HECTD4: variants seen among roughly 807,000 people sequenced by gnomAD.
HECTD4 encodes the protein HECT domain E3 ubiquitin protein ligase 4.
In HECTD4, 114 loss-of-function variants were observed where a neutral mutation model predicts 471.5. The ratio of observed to expected loss-of-function variants is 0.24; its 90% CI spans 0.21 to 0.28. HECTD4 has a LOEUF of 0.28. HECTD4 is among the 10% of genes least tolerant of loss of function. HECTD4 has a pLI of 1.00. For synonymous variants in HECTD4, 2,012 were observed against 2,256.0 expected (o/e 0.89, Z 3.07); for missense variants, 3,866 against 5,651.5 (o/e 0.68, Z 10.13).
chr12:112,334,723 T>C (rs2035913578), intron 1 of HECTD4, among the ~76,000 whole-genome samples: 1 of 149,634 alleles, frequency 6.7e-6, no homozygotes, highest in Non-Finnish European at 1.5e-5. Flanking sequence ...GGCAGGAGAA[T>C]TGCTTGAACC....
chr12:112,171,806 C>A (rs2031231451), intron 67 of HECTD4, among the ~76,000 whole-genome samples: 1 of 152,238 alleles, frequency 6.6e-6, no homozygotes, highest in Non-Finnish European at 1.5e-5. Flanking sequence ...ATGAGGCAAG[C>A]GGCTGAGCAC....
At chr12:112,167,222 C>G (rs536702083) in intron 72 of HECTD4, 95 bp downstream of exon 72, 1 of 1,128,418 alleles carries the variant, frequency 8.9e-7, no homozygotes, top group Non-Finnish European at 1.3e-6. Context: ...CCCAACCCAG[C>G]CTCAGCGGGG....
In HECTD4 at chr12:112,250,994, T is replaced by C. The variant is rs1421567521; in HGVS notation, c.3693A>G (p.Leu1231=). The change falls in exon 24 of 76, where the codon CTA becomes CTG. Residue 1231 remains leucine (L), a synonymous_variant. Transcript: ENST00000682272. ...ITKEEEACQE[L]LRSKLLQRCQ... ...ACCTTTGTAAAAGTTTGGACCGCAA[T>C]AGCTCCTGACAGGCTTCTTCTTCTT... 2 of 1,613,130 alleles carry C rather than the reference T, an allele frequency of 1.2e-6. No homozygotes were observed. Among genetic ancestry groups the C allele is most frequent in the African/African-American group, 1.3e-5 (1 of 74,914 alleles).
rs1785243199 is a variant in HECTD4, at chr12:112,164,175, A to C, written c.12635T>G (p.Phe4212Cys). 1 of 1,613,562 alleles carries C rather than the reference A, an allele frequency of 6.2e-7. No individual in the cohort carries two copies. Among genetic ancestry groups the C allele is most frequent in the Non-Finnish European group, 8.5e-7 (1 of 1,179,850 alleles). ...PDSPNKPCCRFTYLTMTGEEV... is the reference protein window; with the variant it reads ...PDSPNKPCCRCTYLTMTGEEV... Reference sequence around the variant, plus strand: ...CTCGCCCGTCATGGTCAGGTAGGTGAACCTGCAGCAGGGCTTGTTGGGGCT... The same window carrying C: ...CTCGCCCGTCATGGTCAGGTAGGTGCACCTGCAGCAGGGCTTGTTGGGGCT... Residue 4212 changes from phenylalanine (F) to cysteine (C), a missense_variant, in exon 73 of 76, where the codon TTC becomes TGC. Physicochemically the swap from Phe to Cys is radical, Grantham distance 205. Around this residue, in one of 16 missense-constraint regions of HECTD4, gnomAD observed 715 missense variants for 1,087.6 expected, o/e 0.66. Transcript: ENST00000682272.
chr12:112,174,604 G>A (rs180995293), intron 66 of HECTD4, among the ~76,000 whole-genome samples: 4 of 151,170 alleles, frequency 2.6e-5, no homozygotes, highest in East Asian at 1.9e-4. Flanking sequence ...TCACTCTGTC[G>A]CCCAGGCTGG....
rs1457903588 is a variant in HECTD4, at chr12:112,314,448, A to T, written c.785+9T>A. 1 of 1,441,176 alleles carries T rather than the reference A, an allele frequency of 6.9e-7. No individual in the cohort carries two copies. The highest frequency in any genetic ancestry group is 1.4e-5 in the African/African-American group (1 of 71,036). The allele number at this position is 1,441,176 out of a possible 1,614,324, so 89.3% of individuals were successfully genotyped here. Reference sequence around the variant, plus strand: ...GGAAGGAGGGTAAGGATACAAAGTGACAACTTACCTATATAGCACATCAGC... The same window carrying T: ...GGAAGGAGGGTAAGGATACAAAGTGTCAACTTACCTATATAGCACATCAGC... On this transcript the variant is annotated intron_variant, in intron 3 of 75. Coordinates refer to ENST00000682272, the MANE Select transcript of HECTD4 (RefSeq NM_001388303.1).
rs771029032 is a variant in HECTD4, at chr12:112,167,449, C to T, written c.12402G>A (p.Arg4134=). The change falls in exon 72 of 76, where the codon CGG becomes CGA. Residue 4134 remains arginine, a synonymous_variant. Transcript: ENST00000682272. ...GGTCCAGGGGCAGCGGGACGTCTGC[C>T]CGAATTGCAATCCCCAGCAGCTGCC... ...FLGQLLGIAI[R]ADVPLPLDLL... 3 of 1,613,406 alleles carry T rather than the reference C, an allele frequency of 1.9e-6. No individual in the cohort carries two copies. In the South Asian group the frequency reaches 3.3e-5, roughly 18 times the overall value.
intron 55 of HECTD4, among the ~76,000 whole-genome samples, chr12:112,198,589 C>G (rs575099342): frequency 6.6e-6 from 1 of 152,238 alleles, no homozygotes; most frequent in African/African-American, 2.4e-5. Flanking sequence ...TATTTTGGAA[C>G]AGTCAATGGC....
intron 67 of HECTD4, 131 bp downstream of exon 67, chr12:112,172,540 G>T: frequency 1.2e-6 from 1 of 859,896 alleles, no homozygotes; most frequent in Non-Finnish European, 1.8e-6. Flanking sequence ...TTGCACACCT[G>T]GCGCATAGCA....
At chr12:112,230,432 A>G (rs938114253) in intron 40 of HECTD4, among the ~76,000 whole-genome samples, 1 of 152,046 alleles carries the variant, frequency 6.6e-6, no homozygotes, top group Non-Finnish European at 1.5e-5. Flanking sequence ...CAAGAAGAAG[A>G]GAAACAAGGC....
chr12:112,327,256 G>A (rs113616331), intron 1 of HECTD4, among the ~76,000 whole-genome samples: 1 of 152,260 alleles, frequency 6.6e-6, no homozygotes, highest in South Asian at 2.1e-4. Flanking sequence ...GGTGGAGGTT[G>A]CAGTAAGCCA....
Position 112,258,574 on chromosome 12 carries a change from T to A in HECTD4, c.3050A>T (p.Gln1017Leu), listed in dbSNP as rs2034077548. The A allele has an allele frequency of 6.2e-7, 1 of 1,605,128 alleles. No individual in the cohort carries two copies. Among genetic ancestry groups the A allele is most frequent in the African/African-American group, 1.3e-5 (1 of 74,310 alleles). The stretch of plus-strand genomic sequence containing the variant: ...GCCCACCTCAGCAAAAACCGGACAC[T>A]GGGTTTTAAGCAGCAACGCCGTCTG... ...TSQTALLLKTQCPVFAEVGCS... is the reference protein window; with the variant it reads ...TSQTALLLKTLCPVFAEVGCS... The change falls in exon 20 of 76, where the codon CAG (glutamine) becomes CTG (leucine). Residue 1017 changes from glutamine to leucine, a missense_variant. Transcript: ENST00000682272.
chr12:112,367,603 T>C (rs2036589164), intron 1 of HECTD4, among the ~76,000 whole-genome samples: 2 of 151,808 alleles, frequency 1.3e-5, no homozygotes, highest in Non-Finnish European at 2.9e-5. Flanking sequence ...GTGGATCATC[T>C]GAGGTCAGGA....
At position 112,200,914 on chromosome 12, in the gene HECTD4, T is replaced by C; in HGVS notation, c.8407-116A>G. On this transcript the variant is annotated intron_variant, in intron 54 of 75. Transcript: ENST00000682272. ...GTGTGTGTGTGTGTGTGTGTGTGTATTTTCAGTCCAGGCTTTTAGGTATTA... is the reference window on the plus strand; with the variant it reads ...GTGTGTGTGTGTGTGTGTGTGTGTACTTTCAGTCCAGGCTTTTAGGTATTA... 3.4e-6 allele frequency: 3 copies of C among 883,962 alleles called. No homozygotes were observed. The South Asian group carries it at 5.0e-5, about 15-fold the overall frequency. The allele number at this position is 883,962 out of a possible 1,614,324, so 54.8% of individuals were successfully genotyped here.
Position 112,295,802 on chromosome 12 carries a change from A to T in HECTD4, c.1335+10262T>A, listed in dbSNP as rs181548196. On this transcript the variant is annotated intron_variant, in intron 7 of 75. Coordinates refer to ENST00000682272, the MANE Select transcript of HECTD4 (RefSeq NM_001388303.1). ...GACTACGGACATGCACCATTAAATT[A>T]AAAAAAAAATATATATATATATACA... Among the ~76,000 whole-genome samples the T allele has an allele frequency of 7.1e-4, 86 of 121,140 alleles. 1 individual carries two copies. Among genetic ancestry groups the T allele is most frequent in the South Asian group, 4.4e-3 (16 of 3,670 alleles). 79.5% of individuals were successfully genotyped at this position (121,140 alleles called of 152,430 possible).
At chr12:112,255,616 GA>G (rs2033990396) in intron 21 of HECTD4, among the ~76,000 whole-genome samples, 1 of 152,142 alleles carries the variant, frequency 6.6e-6, no homozygotes, top group Admixed American at 6.6e-5. Flanking sequence ...AGGGGAGAGA[GA>G]AAACAGATCA....
chr12:112,298,480 A>ATTTTTTTTTT (rs199649818), intron 7 of HECTD4, among the ~76,000 whole-genome samples: 1 of 132,794 alleles, frequency 7.5e-6, no homozygotes. Flanking sequence ...AATTATATTA[A>ATTTTTTTTTT]TTTTTTTTTT....
At chr12:112,283,955 CTTTTTTT>C (rs746498265) in intron 7 of HECTD4, among the ~76,000 whole-genome samples, 7 of 135,564 alleles carry the variant, frequency 5.2e-5, no homozygotes, top group Admixed American at 2.2e-4. Flanking sequence ...CTTCTTTCTT[CTTTTTTT>C]TTTTTTTTTT....
intron 1 of HECTD4, among the ~76,000 whole-genome samples, chr12:112,342,917 T>G (rs1228792608): frequency 6.6e-6 from 1 of 152,208 alleles, no homozygotes; most frequent in Non-Finnish European, 1.5e-5. Flanking sequence ...ACCAAAAAAT[T>G]TTACTTCTTA....
Sources: gnomAD v4.1 joint callset for allele counts (sites outside exome capture counted in the v4.1 genomes callset) on GRCh38, gnomAD v4.1.1 for gene constraint, gnomAD v4.1.1 regional missense constraint, MANE v1.5 for transcripts, NCBI Gene and HGNC (gene_info 2026-07-23, HGNC 2026-07-21) for gene names.